Variants in ABCA13 observed in about 807,000 individuals in gnomAD.
ABCA13 encodes ATP-binding cassette sub-family A member 13.
Under a neutral mutation model 478.7 loss-of-function variants are expected in ABCA13, and 476 were observed. The ratio of observed to expected loss-of-function variants is 0.99; its 90% CI spans 0.92 to 1.07. ABCA13 has a LOEUF of 1.07. Among genes scored for constraint, ABCA13 ranks in the 50% least tolerant of loss-of-function variants. The pLI is 0.00. For synonymous variants in ABCA13, 2,252 were observed against 2,158.9 expected, an observed-to-expected ratio of 1.04 and a Z score of -1.20; for missense variants, 6,060 against 5,910.6, an observed-to-expected ratio of 1.03 and a Z score of -0.83.
chr7:48,183,310 A>G (rs1283405912), intron 1 of ABCA13, among the ~76,000 whole-genome samples: 1 of 152,232 alleles, frequency 6.6e-6, no homozygotes, highest in African/African-American at 2.4e-5. Flanking sequence ...TTTAGACTCA[A>G]TCTGGAGATT....
In ABCA13 at chr7:48,524,328, GA is replaced by G; in HGVS notation, c.14134del (p.Arg4712GlyfsTer42). The G allele has an allele frequency of 6.2e-7, 1 of 1,613,262 alleles. No homozygotes were observed. Among genetic ancestry groups the G allele is most frequent in the Non-Finnish European group, 8.5e-7 (1 of 1,179,578 alleles). On this transcript the variant is annotated frameshift_variant, in exon 54 of 62. Transcript: ENST00000435803. LOFTEE classifies it high-confidence loss of function. ...AAAGAGGAAAAGAGAGTGTTTGAAG[GA>G]AGGACCAATGGAGACATTCTTGTGT... is the stretch of plus-strand genomic sequence containing the variant. ...VEKEEKRVFE[G>X]RTNGDILVLY... is the part of the protein sequence containing the mutation.
chr7:48,549,296 T>C (rs935592454), intron 55 of ABCA13, among the ~76,000 whole-genome samples: 2 of 151,764 alleles, frequency 1.3e-5, no homozygotes, highest in African/African-American at 4.8e-5. Flanking sequence ...CTTCCACTTA[T>C]GAGTGAGAAC....
intron 48 of ABCA13, among the ~76,000 whole-genome samples, chr7:48,499,007 T>G (rs1830508694): frequency 6.6e-6 from 1 of 152,172 alleles, no homozygotes; most frequent in African/African-American, 2.4e-5. Flanking sequence ...CTCAACAGAA[T>G]TAAGATCCAA....
chr7:48,446,280 A>C (rs1267871129), intron 42 of ABCA13, among the ~76,000 whole-genome samples: 1 of 151,840 alleles, frequency 6.6e-6, no homozygotes, highest in African/African-American at 2.4e-5. Flanking sequence ...ATCCTGTTAG[A>C]GTATCTTTAA....
intron 59 of ABCA13, among the ~76,000 whole-genome samples, chr7:48,636,045 T>C (rs1360407986): frequency 6.6e-6 from 1 of 152,188 alleles, no homozygotes; most frequent in Non-Finnish European, 1.5e-5. Context: ...GCACCTAAAG[T>C]GACTGTGCCC....
At chr7:48,466,858 A>T in intron 43 of ABCA13, 98 bp from the exon 44 acceptor site, 1 of 1,127,972 alleles carries the variant, frequency 8.9e-7, no homozygotes, top group Non-Finnish European at 1.4e-6. Context: ...GATCAGCCTG[A>T]CTAGGGCACA....
At chr7:48,446,455 C>T (rs562973570) in intron 42 of ABCA13, among the ~76,000 whole-genome samples, 1 of 150,838 alleles carries the variant, frequency 6.6e-6, no homozygotes, top group South Asian at 2.1e-4. Flanking sequence ...ACATTTTCAG[C>T]TCTATGATCT....
At chr7:48,464,316 A>C (rs917246430) in intron 43 of ABCA13, among the ~76,000 whole-genome samples, 2 of 152,242 alleles carry the variant, frequency 1.3e-5, no homozygotes, top group Non-Finnish European at 2.9e-5. Flanking sequence ...GTTTATACAG[A>C]GGTCACACTG....
chr7:48,385,832 AC>A (rs1423258710), intron 35 of ABCA13, among the ~76,000 whole-genome samples: 4 of 151,966 alleles, frequency 2.6e-5, no homozygotes, highest in Non-Finnish European at 4.4e-5. Flanking sequence ...TTATTTTTTG[AC>A]CTTTTAATAA....
Position 48,338,422 on chromosome 7 carries a change from G to A in ABCA13, c.10171G>A (p.Val3391Ile). The change falls in exon 29 of 62, where the codon GTA (valine) becomes ATA (isoleucine). Residue 3391 changes from valine (V) to isoleucine (I), a missense_variant. Around this residue, in one of 3 missense-constraint regions of ABCA13, gnomAD observed 4,423 missense variants for 4,309.1 expected, o/e 1.03. Transcript: ENST00000435803. ...TGTAGAAAACCAGTTGCACATTGATGTAGACAAACTTACTGAAAAACTCCA... is the reference window on the plus strand; with the variant it reads ...TGTAGAAAACCAGTTGCACATTGATATAGACAAACTTACTGAAAAACTCCA... ...NFVENQLHID[V>I]DKLTEKLQTY... 1 of 1,602,086 alleles carries A rather than the reference G, an allele frequency of 6.2e-7. No individual in the cohort carries two copies. The highest frequency in any genetic ancestry group is 8.5e-7 in the Non-Finnish European group (1 of 1,173,772).
chr7:48,405,409 A>T (rs1445601799), intron 39 of ABCA13, among the ~76,000 whole-genome samples: 1 of 152,218 alleles, frequency 6.6e-6, no homozygotes, highest in African/African-American at 2.4e-5. Context: ...TTGCCACAAG[A>T]TCAAGAAGAC....
At chr7:48,611,996 CA>C (rs1472058109) in intron 58 of ABCA13, 6 of 152,142 alleles carry the variant, frequency 3.9e-5, no homozygotes, top group South Asian at 4.1e-4. Context: ...GCAACTATAA[CA>C]AAGAAACCTC....
chr7:48,569,415 A>G (rs1027516314), intron 55 of ABCA13, among the ~76,000 whole-genome samples: 1 of 152,150 alleles, frequency 6.6e-6, no homozygotes, highest in Non-Finnish European at 1.5e-5. Flanking sequence ...CACATTTGGA[A>G]TTTCCCAAAG....
At chr7:48,248,195 A>T in intron 13 of ABCA13, 44 bp from the exon 14 acceptor site, 2 of 1,516,086 alleles carry the variant, frequency 1.3e-6, no homozygotes, top group Non-Finnish European at 1.8e-6. Flanking sequence ...CCCACATCTG[A>T]ATTGCTTTAT....
intron 3 of ABCA13, among the ~76,000 whole-genome samples, chr7:48,218,702 C>T (rs1199915014): frequency 2.0e-5 from 3 of 152,160 alleles, no homozygotes; most frequent in Non-Finnish European, 2.9e-5. Context: ...GTCTGGGCCA[C>T]ATTTCCTCAT....
Position 48,607,565 on chromosome 7 carries a change from A to G in ABCA13, c.14745-7720A>G, listed in dbSNP as rs180883365. Among the ~76,000 whole-genome samples, 8 of 152,314 alleles carry G rather than the reference A, an allele frequency of 5.3e-5. No homozygotes were observed. In the East Asian group the frequency reaches 1.5e-3, roughly 29 times the overall value. On this transcript the variant is annotated intron_variant, in intron 58 of 61. Coordinates refer to ENST00000435803, the MANE Select transcript of ABCA13 (RefSeq NM_152701.5). The stretch of plus-strand genomic sequence containing the variant: ...CTTTGATGATGTTTATAATAGCTGC[A>G]TTTAAATTTTTTCTTCTAAATCTAG...
rs369958763 is a variant in ABCA13 at position 48,352,171 on chromosome 7, C to T, written c.10382-10C>T. 53 of 1,593,742 alleles carry T rather than the reference C, an allele frequency of 3.3e-5. 1 individual carries two copies. The African/African-American group carries it at 5.8e-4, about 17-fold the overall frequency. On this transcript the variant is annotated splice_polypyrimidine_tract_variant and intron_variant, in intron 30 of 61. Coordinates refer to ENST00000435803, the MANE Select transcript of ABCA13 (RefSeq NM_152701.5). ...GTGGTAATGCTTCGTTTTTCCTTTT[C>T]TGCCACTAGGTATCATTTTCAGCAA... is the stretch of plus-strand genomic sequence containing the variant.
Position 48,410,992 on chromosome 7 carries a change from TTTCTTTC to T in ABCA13, c.12228+318_12228+324del, listed in dbSNP as rs1389688947. On this transcript the variant is annotated intron_variant, in intron 40 of 61. Transcript: ENST00000435803. ...AAATTCTTTTCTCTTTCTTTCTTTCTTTCTTTCTTTCTTTCTTTCTTTCTTTCTTTCT... is the reference window on the plus strand; with the variant it reads ...AAATTCTTTTCTCTTTCTTTCTTTCTTTTCTTTCTTTCTTTCTTTCTTTCT... Among the ~76,000 whole-genome samples, 3 of 96,950 alleles carry T rather than the reference TTTCTTTC, an allele frequency of 3.1e-5. No individual in the cohort carries two copies. The Admixed American group carries it at 3.4e-4, about 11-fold the overall frequency. The allele number at this position is 96,950 out of a possible 152,430, so 63.6% of individuals were successfully genotyped here.
At chr7:48,401,413 A>C (rs748266853) in intron 38 of ABCA13, among the ~76,000 whole-genome samples, 1 of 152,130 alleles carries the variant, frequency 6.6e-6, no homozygotes. Context: ...TTTAAGTTGG[A>C]CCTCTCCAAG....
Sources: allele counts gnomAD v4.1 joint callset (sites outside exome capture counted in the v4.1 genomes callset), GRCh38; gene constraint gnomAD v4.1.1; regional missense constraint gnomAD v4.1.1; transcripts MANE v1.5; gene names NCBI Gene and HGNC (gene_info 2026-07-23, HGNC 2026-07-21).